The following ZNF93 variants were observed in gnomAD, a reference collection of about 807,000 sequenced individuals.
ZNF93 encodes the protein zinc finger protein 505.
ZNF93 carries 29 observed loss-of-function variants against 45.0 expected under a neutral mutation model. That is an observed-to-expected ratio of 0.64 (90% CI 0.48 to 0.88). The LOEUF is 0.88. Among genes scored for constraint, ZNF93 ranks in the 40% least tolerant of loss-of-function variants. The pLI is 0.00. For synonymous variants in ZNF93, 223 were observed against 244.6 expected (o/e 0.91, Z 0.82); for missense variants, 578 against 724.0 (o/e 0.80, Z 2.31).
rs767829005 is a variant in ZNF93 at position 19,934,224 on chromosome 19, A to G, written c.1269A>G (p.Lys423=). The G allele has an allele frequency of 4.3e-6, 7 of 1,611,548 alleles. No homozygotes were observed. The African/African-American group carries it at 6.7e-5, about 15-fold the overall frequency. Residue 423 remains lysine (K), a synonymous_variant, in exon 4 of 4, where the codon AAA becomes AAG. Transcript: ENST00000343769. ...SSHKRSHTGE[K]PYKCEECGKA... Reference sequence around the variant, plus strand: ...ATAAGAGAAGTCATACTGGAGAGAAACCCTACAAATGTGAAGAATGTGGCA... The same window carrying G: ...ATAAGAGAAGTCATACTGGAGAGAAGCCCTACAAATGTGAAGAATGTGGCA...
chr19:19,901,051 T>G lies in ZNF93; in HGVS notation c.-38T>G, dbSNP rs751625970. ...CCTGTGACCTGCAGGTATTGGGAGA[T>G]CCACAGCTAAGACACCAGGACCCCT... On this transcript the variant is annotated 5_prime_UTR_variant, in exon 1 of 4. Transcript: ENST00000343769. 48 of 1,612,334 alleles carry G rather than the reference T, an allele frequency of 3.0e-5. No individual in the cohort carries two copies. The East Asian group carries it at 9.6e-4, about 32-fold the overall frequency.
At chr19:19,901,860 G>T (rs1226413157) in intron 1 of ZNF93, among the ~76,000 whole-genome samples, 1 of 152,118 alleles carries the variant, frequency 6.6e-6, no homozygotes, top group Admixed American at 6.5e-5. Context: ...GTGAGGCCGT[G>T]GCGGGTGGAT....
chr19:19,927,222 C>T (rs949097670), intron 3 of ZNF93: 3 of 398,060 alleles, frequency 7.5e-6, no homozygotes, highest in Non-Finnish European at 1.3e-5. Context: ...ATATGGAGAC[C>T]CCTCTCTATG....
intron 2 of ZNF93, among the ~76,000 whole-genome samples, chr19:19,915,801 C>T (rs911443039): frequency 2.0e-5 from 3 of 152,084 alleles, no homozygotes; most frequent in South Asian, 2.1e-4. Context: ...GAGATCGTGC[C>T]GTTGCACTCC....
chr19:19,923,618 A>T (rs1355808280), intron 3 of ZNF93, among the ~76,000 whole-genome samples: 1 of 152,158 alleles, frequency 6.6e-6, no homozygotes. Flanking sequence ...CAGCAATGGC[A>T]GGCGCCCCTC....
chr19:19,912,137 G>A (rs904224657), intron 1 of ZNF93, among the ~76,000 whole-genome samples: 2 of 152,038 alleles, frequency 1.3e-5, no homozygotes, highest in Non-Finnish European at 2.9e-5. Context: ...ATTTGTTTAA[G>A]TTGCATACTA....
Position 19,935,274 on chromosome 19 carries a change from C to T in ZNF93, c.*456C>T, listed in dbSNP as rs141638604. ...AAACTAAAATGAAGATTTCAACTCC[C>T]CAACCCCCTCTAACAAGCCAGCTAA... On this transcript the variant is annotated 3_prime_UTR_variant, in exon 4 of 4. Transcript: ENST00000343769. The T allele has an allele frequency of 6.6e-4, 108 of 163,120 alleles. No individual in the cohort carries two copies. The highest frequency in any genetic ancestry group is 2.5e-3 in the African/African-American group (103 of 41,646). The allele number at this position is 163,120 out of a possible 1,614,324, so 10.1% of individuals were successfully genotyped here.
At chr19:19,923,266 A>G (rs953605095) in intron 3 of ZNF93, among the ~76,000 whole-genome samples, 2 of 152,066 alleles carry the variant, frequency 1.3e-5, no homozygotes, top group Non-Finnish European at 2.9e-5. Flanking sequence ...GTGAACAGCA[A>G]ATGTTGCTGC....
At chr19:19,921,598 A>G (rs1481991876) in intron 3 of ZNF93, among the ~76,000 whole-genome samples, 1 of 152,076 alleles carries the variant, frequency 6.6e-6, no homozygotes, top group Non-Finnish European at 1.5e-5. Context: ...GTAGGTCTCT[A>G]AGGACTTGCT....
rs754452898 is a variant in ZNF93 at position 19,916,632 on chromosome 19, A to G, written c.203A>G (p.His68Arg). Residue 68 changes from histidine (H) to arginine (R), a missense_variant, in exon 3 of 4, where the codon CAT becomes CGT. Around this residue, in one of 3 missense-constraint regions of ZNF93, gnomAD observed 446 missense variants for 547.6 expected, o/e 0.81. Transcript: ENST00000343769. ...AAAAAACCTTTGACTATGAAGAGAC[A>G]TGAGATGGTAGCCAACCCCTCAGGT... ...QGKKPLTMKR[H>R]EMVANPSVIC... The G allele has an allele frequency of 1.1e-5, 17 of 1,611,790 alleles. No individual in the cohort carries two copies. The highest frequency in any genetic ancestry group is 1.4e-5 in the Non-Finnish European group (17 of 1,179,134).
intron 3 of ZNF93, chr19:19,932,571 CTGAATGATTTGG>C (rs1326187222): frequency 6.6e-6 from 1 of 152,174 alleles, no homozygotes; most frequent in African/African-American, 2.4e-5. Flanking sequence ...TTTGTGTCTA[CTGAATGATTTGG>C]TGACACAAAT....
intron 3 of ZNF93, among the ~76,000 whole-genome samples, chr19:19,927,514 A>G (rs1784379697): frequency 6.6e-6 from 1 of 152,178 alleles, no homozygotes. Flanking sequence ...CAAGCCTTCT[A>G]CTTTCTGTTT....
rs1263173307 is a variant in ZNF93 at position 19,916,666 on chromosome 19, G to T, written c.226+11G>T. ...TAGCCAACCCCTCAGGTAGGTGTGA[G>T]TGAAAATGAATACAACAGACAACAC... is the stretch of plus-strand genomic sequence containing the variant. On this transcript the variant is annotated intron_variant, in intron 3 of 3. Transcript: ENST00000343769. The T allele has an allele frequency of 6.3e-7, 1 of 1,593,480 alleles. No individual in the cohort carries two copies. The highest frequency in any genetic ancestry group is 8.6e-7 in the Non-Finnish European group (1 of 1,169,266).
intron 1 of ZNF93, among the ~76,000 whole-genome samples, chr19:19,911,128 G>T (rs2063306446): frequency 6.6e-6 from 1 of 152,116 alleles, no homozygotes. Flanking sequence ...GAGTATTTTT[G>T]ATCTTTCTCT....
intron 3 of ZNF93, 42 bp downstream of exon 3, chr19:19,916,697 GAGGTCCCA>G: frequency 6.8e-7 from 1 of 1,461,562 alleles, no homozygotes; most frequent in Non-Finnish European, 9.4e-7. Flanking sequence ...AACACAGTAA[GAGGTCCCA>G]AGGCCAAAGA....
At position 19,935,167 on chromosome 19, in the gene ZNF93, A is replaced by C; in HGVS notation, c.*349A>C. On this transcript the variant is annotated 3_prime_UTR_variant, in exon 4 of 4. Coordinates refer to ENST00000343769, the MANE Select transcript of ZNF93 (RefSeq NM_031218.4). The stretch of plus-strand genomic sequence containing the variant: ...TCATCCACATCCTGATACAAGGCCC[A>C]CCATATGCAGACCTGACTGCCAAAA... The C allele has an allele frequency of 4.1e-6, 1 of 243,770 alleles. No individual in the cohort carries two copies. Among genetic ancestry groups the C allele is most frequent in the South Asian group, 8.4e-5 (1 of 11,868 alleles). 15.1% of individuals were successfully genotyped at this position (243,770 alleles called of 1,614,324 possible). A position where few individuals can be genotyped will look rare whatever the true frequency, so the allele number is the denominator to read the frequency against.
intron 2 of ZNF93, among the ~76,000 whole-genome samples, 165 bp from the exon 3 acceptor site, chr19:19,916,395 G>A (rs1003380922): frequency 6.6e-6 from 1 of 152,026 alleles, no homozygotes; most frequent in African/African-American, 2.4e-5. Flanking sequence ...ACTGCACCCG[G>A]CAAATTGAAA....
chr19:19,922,219 G>A (rs946546825), intron 3 of ZNF93, among the ~76,000 whole-genome samples: 1 of 152,150 alleles, frequency 6.6e-6, no homozygotes, highest in South Asian at 2.1e-4. Context: ...GTTTGGCTGG[G>A]TATGAAATTC....
intron 3 of ZNF93, among the ~76,000 whole-genome samples, chr19:19,931,389 CTATGAT>C (rs1229324715): frequency 6.6e-6 from 1 of 152,084 alleles, no homozygotes; most frequent in Non-Finnish European, 1.5e-5. Context: ...CGGGATTTCA[CTATGAT>C]GGCCAGGCTT....
Sources: gnomAD v4.1 joint callset for allele counts (sites outside exome capture counted in the v4.1 genomes callset) on GRCh38, gnomAD v4.1.1 for gene constraint, gnomAD v4.1.1 regional missense constraint, MANE v1.5 for transcripts, NCBI Gene and HGNC (gene_info 2026-07-23, HGNC 2026-07-21) for gene names.